The following ZNRF2 variants were observed in gnomAD, a reference collection of about 807,000 sequenced individuals.
ZNRF2 encodes the protein zinc and ring finger 2.
A neutral mutation model predicts 20.4 loss-of-function variants in ZNRF2; 16 were observed. That is an observed-to-expected ratio of 0.79 (90% CI 0.53 to 1.19). The LOEUF is 1.19. Ranked by LOEUF, ZNRF2 falls within the 50% of genes most tolerant of loss-of-function variation. The probability of loss-of-function intolerance (pLI) is 0.00; values close to 1 mark genes in which losing one functional copy is unlikely to be tolerated. For missense variants in ZNRF2, 363 were observed against 332.4 expected (o/e 1.09, Z -0.72); for synonymous variants, 178 against 144.9 (o/e 1.23, Z -1.64).
intron 1 of ZNRF2, among the ~76,000 whole-genome samples, chr7:30,314,312 G>A (rs900544188): frequency 6.6e-6 from 1 of 152,046 alleles, no homozygotes; most frequent in African/African-American, 2.4e-5. Context: ...TGGGGCACAC[G>A]TAACATTACA....
At chr7:30,326,201 A>C (rs200850207) in intron 2 of ZNRF2, among the ~76,000 whole-genome samples, 1 of 152,196 alleles carries the variant, frequency 6.6e-6, no homozygotes, top group East Asian at 1.9e-4. Context: ...AACTTGTGTC[A>C]TGGGGGTTTG....
At chr7:30,343,608 GT>G (rs1323211123) in intron 2 of ZNRF2, among the ~76,000 whole-genome samples, 1 of 151,302 alleles carries the variant, frequency 6.6e-6, no homozygotes, top group African/African-American at 2.4e-5. Flanking sequence ...CTCCTTTAAT[GT>G]TTATGCCTTA....
intron 1 of ZNRF2, among the ~76,000 whole-genome samples, chr7:30,305,404 T>TA (rs1799184388): frequency 6.6e-6 from 1 of 152,210 alleles, no homozygotes; most frequent in Non-Finnish European, 1.5e-5. Flanking sequence ...TTTTAAAAGA[T>TA]ATCTTAAGCT....
chr7:30,299,052 A>AACT (rs1799064199), intron 1 of ZNRF2, among the ~76,000 whole-genome samples: 1 of 152,236 alleles, frequency 6.6e-6, no homozygotes. Context: ...ACTGAGCAGA[A>AACT]ACTAATGAAT....
chr7:30,288,165 A>C (rs887124154), intron 1 of ZNRF2, among the ~76,000 whole-genome samples: 1 of 152,256 alleles, frequency 6.6e-6, no homozygotes, highest in African/African-American at 2.4e-5. Context: ...TATAATTAAA[A>C]AAGACTTGAC....
intron 2 of ZNRF2, among the ~76,000 whole-genome samples, chr7:30,325,359 A>G (rs1401256182): frequency 3.3e-5 from 5 of 152,204 alleles, no homozygotes; most frequent in South Asian, 2.1e-4. Flanking sequence ...TTGAGCATCA[A>G]TTATGTGCGA....
At chr7:30,324,625 A>C (rs1159968686) in intron 2 of ZNRF2, among the ~76,000 whole-genome samples, 2 of 152,132 alleles carry the variant, frequency 1.3e-5, no homozygotes, top group Non-Finnish European at 2.9e-5. Flanking sequence ...AATAGTTTTT[A>C]CTTTGTTAAT....
chr7:30,347,768 A>G (rs1386712263), intron 2 of ZNRF2, among the ~76,000 whole-genome samples: 2 of 152,118 alleles, frequency 1.3e-5, no homozygotes, highest in Non-Finnish European at 1.5e-5. Context: ...TGATTTTCAC[A>G]TGGTTGGTTA....
intron 2 of ZNRF2, among the ~76,000 whole-genome samples, chr7:30,339,875 A>G (rs1281594287): frequency 1.3e-5 from 2 of 152,284 alleles, no homozygotes; most frequent in East Asian, 3.9e-4. Context: ...TTTTCACAAT[A>G]TTGATTCTTC....
intron 1 of ZNRF2, among the ~76,000 whole-genome samples, chr7:30,303,273 AAAAAG>A (rs1315980714): frequency 1.3e-4 from 20 of 151,814 alleles, no homozygotes; most frequent in East Asian, 7.8e-4. Context: ...CAAAAAAAAA[AAAAAG>A]AAAAAGAAAA....
intron 1 of ZNRF2, among the ~76,000 whole-genome samples, chr7:30,318,718 G>A (rs1254485010): frequency 6.6e-6 from 1 of 152,214 alleles, no homozygotes; most frequent in Non-Finnish European, 1.5e-5. Flanking sequence ...ATCAACAATG[G>A]AAAAGCATTT....
At chr7:30,322,477 C>T (rs1181375123) in intron 1 of ZNRF2, among the ~76,000 whole-genome samples, 2 of 152,086 alleles carry the variant, frequency 1.3e-5, no homozygotes. Flanking sequence ...GCTTCTGTTC[C>T]TGTCTACACT....
intron 3 of ZNRF2, among the ~76,000 whole-genome samples, chr7:30,357,432 A>AT (rs1482863109): frequency 6.6e-6 from 1 of 152,232 alleles, no homozygotes; most frequent in Non-Finnish European, 1.5e-5. Flanking sequence ...TCAGAACTGA[A>AT]TAACAGTGAT....
chr7:30,323,500 C>T (rs955762534), intron 1 of ZNRF2, 142 bp from the exon 2 acceptor site: 1 of 477,240 alleles, frequency 2.1e-6, no homozygotes, highest in Non-Finnish European at 3.7e-6. Flanking sequence ...CAAAATTTTC[C>T]TGACTTGAGT....
At chr7:30,323,532 A>T in intron 1 of ZNRF2, 110 bp from the exon 2 acceptor site, 1 of 646,312 alleles carries the variant, frequency 1.5e-6, no homozygotes, top group Admixed American at 3.2e-5. Context: ...AGTGTAATGC[A>T]GTAAGTGTAA....
chr7:30,350,546 A>G (rs1799946791), intron 2 of ZNRF2, among the ~76,000 whole-genome samples: 1 of 152,034 alleles, frequency 6.6e-6, no homozygotes, highest in African/African-American at 2.4e-5. Flanking sequence ...CCTTTGTTAA[A>G]TATCATTTCT....
At chr7:30,302,589 A>G (rs1455717150) in intron 1 of ZNRF2, among the ~76,000 whole-genome samples, 2 of 152,094 alleles carry the variant, frequency 1.3e-5, no homozygotes, top group African/African-American at 2.4e-5. Flanking sequence ...ATATATGTAC[A>G]TAAAAAAGAC....
At chr7:30,334,395 A>G (rs1799686160) in intron 2 of ZNRF2, among the ~76,000 whole-genome samples, 1 of 152,204 alleles carries the variant, frequency 6.6e-6, no homozygotes, top group South Asian at 2.1e-4. Context: ...CGGTTCCTAT[A>G]GCCTTGTAGT....
chr7:30,312,242 G>T (rs1032765069), intron 1 of ZNRF2, among the ~76,000 whole-genome samples: 2 of 152,114 alleles, frequency 1.3e-5, no homozygotes, highest in African/African-American at 4.8e-5. Flanking sequence ...TGGTCTCTCA[G>T]AGTGTTGGGA....
Sources: gnomAD v4.1 joint callset for allele counts (sites outside exome capture counted in the v4.1 genomes callset) on GRCh38, gnomAD v4.1.1 for gene constraint, MANE v1.5 for transcripts, NCBI Gene and HGNC (gene_info 2026-07-23, HGNC 2026-07-21) for gene names.